DRD3: variants seen among roughly 807,000 people sequenced by gnomAD.
DRD3 encodes dopamine receptor D3.
A neutral mutation model predicts 36.3 loss-of-function variants in DRD3; 19 were observed. The ratio of observed to expected loss-of-function variants is 0.52; its 90% CI spans 0.36 to 0.77. DRD3 has a LOEUF of 0.77. Ranked by LOEUF, DRD3 falls within the 30% of genes least tolerant of loss-of-function variation. The pLI is 0.00. For synonymous variants in DRD3, 195 were observed against 203.7 expected (o/e 0.96, Z 0.36); for missense variants, 465 against 505.3 (o/e 0.92, Z 0.77).
At chr3:114,164,220 C>CAAAAAAAAAAAAAAAAAAAAAA (rs34500434) in intron 2 of DRD3, among the ~76,000 whole-genome samples, 1 of 17,776 alleles carries the variant, frequency 5.6e-5, no homozygotes, top group African/African-American at 1.2e-4. Context: ...GCCTCAGTCT[C>CAAAAAAAAAAAAAAAAAAAAAA]AAAAAAAAAA....
intron 3 of DRD3, among the ~76,000 whole-genome samples, chr3:114,148,295 T>C (rs1451740642): frequency 6.6e-6 from 1 of 152,154 alleles, no homozygotes; most frequent in East Asian, 1.9e-4. Flanking sequence ...TGATAGAACA[T>C]ACCTAAAGAG....
At position 114,131,125 on chromosome 3, in the gene DRD3, A is replaced by G; in HGVS notation, c.999T>C (p.Ile333=). 6.2e-7 allele frequency: 1 copy of G among 1,613,382 alleles called. No individual in the cohort carries two copies. Among genetic ancestry groups the G allele is most frequent in the Non-Finnish European group, 8.5e-7 (1 of 1,179,336 alleles). The change falls in exon 6 of 7, where the codon ATT becomes ATC. Residue 333 remains isoleucine (I), a synonymous_variant. Transcript: ENST00000383673. ...AAGCCAACCCAAACTTACCAAGCAC[A>G]ATGGCCACCATTTGGGTTGCCTTCT... ...REKKATQMVA[I]VLGAFIVCWL...
chr3:114,194,874 G>T (rs1260279166), intron 1 of DRD3, among the ~76,000 whole-genome samples: 1 of 150,230 alleles, frequency 6.7e-6, no homozygotes, highest in Non-Finnish European at 1.5e-5. Flanking sequence ...GTCTCCTGCT[G>T]TCAAGTCATT....
intron 4 of DRD3, among the ~76,000 whole-genome samples, chr3:114,144,641 A>G (rs1055480595): frequency 3.9e-5 from 6 of 152,212 alleles, no homozygotes; most frequent in Non-Finnish European, 7.3e-5. Flanking sequence ...ACGACTGCAG[A>G]TGTATAGTTA....
At chr3:114,191,861 A>G (rs1246775147) in intron 1 of DRD3, among the ~76,000 whole-genome samples, 3 of 152,236 alleles carry the variant, frequency 2.0e-5, no homozygotes, top group South Asian at 2.1e-4. Context: ...AGGAAGTTCT[A>G]TAAGAGCATT....
chr3:114,194,946 C>A (rs1422220912), intron 1 of DRD3, among the ~76,000 whole-genome samples: 1 of 152,000 alleles, frequency 6.6e-6, no homozygotes, highest in South Asian at 2.1e-4. Flanking sequence ...GGAGAAACAA[C>A]TTTCTCCAGA....
At chr3:114,159,060 A>C (rs1391819539) in intron 3 of DRD3, among the ~76,000 whole-genome samples, 1 of 152,116 alleles carries the variant, frequency 6.6e-6, no homozygotes, top group African/African-American at 2.4e-5. Context: ...GGAGAAACAG[A>C]GGGACCCAGA....
intron 5 of DRD3, among the ~76,000 whole-genome samples, chr3:114,135,678 G>T (rs978736451): frequency 5.3e-5 from 8 of 150,206 alleles, no homozygotes; most frequent in African/African-American, 7.3e-5. Flanking sequence ...TTTTTTGTTT[G>T]TTTTTTTTTG....
At chr3:114,142,696 T>C (rs1172976231) in intron 4 of DRD3, among the ~76,000 whole-genome samples, 1 of 151,960 alleles carries the variant, frequency 6.6e-6, no homozygotes, top group African/African-American at 2.4e-5. Flanking sequence ...GGGCACCTTA[T>C]GAATGTTTTA....
rs936348449 is a variant in DRD3, at chr3:114,168,950, A to T, written c.270+2773T>A. ...ATCTGGTGAATCTTTTGGATCCCAA[A>T]GTGGTGTTCTTCTCATGTACATCTT... is the stretch of plus-strand genomic sequence containing the variant. On this transcript the variant is annotated intron_variant, in intron 2 of 6. Coordinates refer to ENST00000383673, the MANE Select transcript of DRD3 (RefSeq NM_000796.6). Among the ~76,000 whole-genome samples the T allele has an allele frequency of 6.1e-4, 92 of 151,384 alleles. 1 individual carries two copies. The highest frequency in any genetic ancestry group is 2.2e-3 in the African/African-American group (90 of 41,274).
intron 2 of DRD3, among the ~76,000 whole-genome samples, chr3:114,163,737 G>T (rs1482416068): frequency 2.0e-5 from 3 of 152,192 alleles, no homozygotes; most frequent in Non-Finnish European, 2.9e-5. Flanking sequence ...ACCTGTTTTT[G>T]TTCCCAGGAT....
chr3:114,190,462 ATTTTTTTTTTTTTTT>A (rs55938654), intron 1 of DRD3, among the ~76,000 whole-genome samples: 8 of 8,056 alleles, frequency 9.9e-4, no homozygotes, highest in African/African-American at 2.1e-3. Flanking sequence ...ATATATATAT[ATTTTTTTTTTTTTTT>A]TTTTTTTTTT....
rs778392010 is a variant in DRD3 at position 114,139,655 on chromosome 3, T to C, written c.568A>G (p.Ile190Val). The C allele has an allele frequency of 1.9e-6, 3 of 1,614,132 alleles. No individual in the cohort carries two copies. Among genetic ancestry groups the C allele is most frequent in the Middle Eastern group, 1.6e-4 (1 of 6,062 alleles). ...VCSISNPDFV[I>V]YSSVVSFYLP... ...TAGAAGGACACCACTGAAGAGTAGA[T>C]GACAAAATCAGGGTTGGAGATGGAG... The change falls in exon 5 of 7, where the codon ATC becomes GTC. Residue 190 changes from isoleucine (I) to valine (V), a missense_variant. By Grantham distance (29) the Ile-to-Val change is conservative. Transcript: ENST00000383673.
At chr3:114,134,223 T>C (rs2077456151) in intron 5 of DRD3, among the ~76,000 whole-genome samples, 1 of 152,140 alleles carries the variant, frequency 6.6e-6, no homozygotes, top group African/African-American at 2.4e-5. Context: ...AATGAATGAA[T>C]GAATGCAAGC....
chr3:114,197,425 G>A (rs1183411922), intron 1 of DRD3, among the ~76,000 whole-genome samples: 1 of 151,346 alleles, frequency 6.6e-6, no homozygotes, highest in East Asian at 1.9e-4. Flanking sequence ...CTGGCCAATA[G>A]TGTCTTCTAA....
intron 1 of DRD3, among the ~76,000 whole-genome samples, chr3:114,196,932 T>A (rs1343616934): frequency 6.6e-6 from 1 of 151,868 alleles, no homozygotes; most frequent in Non-Finnish European, 1.5e-5. Context: ...TATGTCTGTC[T>A]TTTTATGCAC....
intron 1 of DRD3, among the ~76,000 whole-genome samples, chr3:114,174,008 C>A (rs324027): frequency 1 from 152,274 of 152,280 alleles, 76,134 homozygotes; most frequent in Non-Finnish European, 1. Context: ...TGAACAAATA[C>A]TTGGGAAAGG....
chr3:114,159,632 G>T (rs1263065835), intron 3 of DRD3, 123 bp downstream of exon 3: 4 of 724,496 alleles, frequency 5.5e-6, no homozygotes, highest in South Asian at 1.8e-5. Context: ...GAAAAAGAGA[G>T]GAAAGAAAAT....
At chr3:114,180,619 C>T (rs971119088), upstream of DRD3, among the ~76,000 whole-genome samples, 2 of 152,158 alleles carry the variant, frequency 1.3e-5, no homozygotes, top group Non-Finnish European at 2.9e-5. Flanking sequence ...TTGTTTAATT[C>T]ACCTAGCCTG....
Sources: gnomAD v4.1 joint callset for allele counts (sites outside exome capture counted in the v4.1 genomes callset) on GRCh38, gnomAD v4.1.1 for gene constraint, MANE v1.5 for transcripts, NCBI Gene and HGNC (gene_info 2026-07-23, HGNC 2026-07-21) for gene names.